VRK2: variants seen among roughly 807,000 people sequenced by gnomAD.
VRK2 encodes the protein VRK serine/threonine kinase 2.
A neutral mutation model predicts 57.6 loss-of-function variants in VRK2; 60 were observed. That is an observed-to-expected ratio of 1.04 (90% CI 0.85 to 1.29). VRK2 has a LOEUF of 1.29. Among genes scored for constraint, VRK2 ranks in the 50% most tolerant of loss-of-function variants. VRK2 has a pLI of 0.00. For synonymous variants in VRK2, 231 were observed against 199.2 expected (o/e 1.16, Z -1.35); for missense variants, 705 against 588.1 (o/e 1.20, Z -2.06).
intron 1 of VRK2, among the ~76,000 whole-genome samples, chr2:58,000,212 T>C (rs1278545913): frequency 6.6e-6 from 1 of 152,222 alleles, no homozygotes; most frequent in Non-Finnish European, 1.5e-5. Flanking sequence ...GTGTGATAAG[T>C]ACTCTTGGTT....
intron 1 of VRK2, among the ~76,000 whole-genome samples, chr2:57,934,524 C>T (rs887931613): frequency 6.6e-6 from 1 of 152,160 alleles, no homozygotes; most frequent in African/African-American, 2.4e-5. Flanking sequence ...TTTAGACTGT[C>T]TGATTTTATT....
rs531190443 is a variant in VRK2 at position 58,117,198 on chromosome 2, G to A, written c.544-5903G>A. 6.6e-5 allele frequency among the ~76,000 whole-genome samples: 10 copies of A among 152,300 alleles called. No individual in the cohort carries two copies. In the East Asian group the frequency reaches 1.9e-3, roughly 29 times the overall value. ...TCAGGGTTGCTGCCACACAAGCCAT[G>A]AACTGGGCTGGGTTTTTATATTTGA... On this transcript the variant is annotated intron_variant, in intron 7 of 12. Transcript: ENST00000340157.
chr2:57,943,915 C>T (rs1402335688), intron 1 of VRK2, among the ~76,000 whole-genome samples: 1 of 152,204 alleles, frequency 6.6e-6, no homozygotes, highest in East Asian at 1.9e-4. Context: ...CAATTCAATT[C>T]TGCCATTGTA....
chr2:58,071,928 C>T (rs1443383470), intron 2 of VRK2, among the ~76,000 whole-genome samples: 1 of 151,884 alleles, frequency 6.6e-6, no homozygotes, highest in Non-Finnish European at 1.5e-5. Flanking sequence ...ATGTATCTCT[C>T]CATATCATGA....
intron 1 of VRK2, among the ~76,000 whole-genome samples, chr2:58,015,145 C>T (rs1233309659): frequency 6.6e-6 from 1 of 152,088 alleles, no homozygotes; most frequent in Admixed American, 6.6e-5. Context: ...TATTTCTCTG[C>T]CAAATCAAGA....
At chr2:58,092,993 T>C (rs1672590912) in intron 7 of VRK2, among the ~76,000 whole-genome samples, 1 of 152,210 alleles carries the variant, frequency 6.6e-6, no homozygotes, top group Non-Finnish European at 1.5e-5. Flanking sequence ...GGACATGAAC[T>C]CATCCTTTTT....
At chr2:58,135,016 A>C (rs529198080) in intron 9 of VRK2, 125 bp from the exon 10 acceptor site, 11 of 689,816 alleles carry the variant, frequency 1.6e-5, no homozygotes, top group East Asian at 6.8e-5. Context: ...GTTGGGTGAC[A>C]AAAAAAAAAG....
chr2:58,123,801 G>A (rs1248897151), intron 8 of VRK2, among the ~76,000 whole-genome samples: 1 of 151,414 alleles, frequency 6.6e-6, no homozygotes, highest in Non-Finnish European at 1.5e-5. Context: ...GCTGCAGTGA[G>A]CCATAATCAC....
chr2:58,126,692 C>A (rs1425069662), intron 8 of VRK2, among the ~76,000 whole-genome samples: 1 of 151,910 alleles, frequency 6.6e-6, no homozygotes, highest in African/African-American at 2.4e-5. Context: ...GGCTAAAGTG[C>A]ATCATTTAGT....
At chr2:58,047,334 T>A in intron 1 of VRK2, 1 of 786,800 alleles carries the variant, frequency 1.3e-6, no homozygotes, top group Non-Finnish European at 1.5e-6. Flanking sequence ...GGTACCAGTT[T>A]GCTCGGAAAC....
intron 10 of VRK2, among the ~76,000 whole-genome samples, chr2:58,137,008 TTATA>T (rs751594903): frequency 1.6e-5 from 2 of 126,892 alleles, no homozygotes; most frequent in Non-Finnish European, 3.1e-5. Context: ...ATCATATATA[TTATA>T]TATATCTCAT....
At chr2:58,114,796 G>T (rs1676167378) in intron 7 of VRK2, among the ~76,000 whole-genome samples, 1 of 152,204 alleles carries the variant, frequency 6.6e-6, no homozygotes, top group South Asian at 2.1e-4. Context: ...GAGGAATTAT[G>T]TCTGACAGAA....
At chr2:58,152,972 AT>A (rs1683282561) in intron 12 of VRK2, among the ~76,000 whole-genome samples, 2 of 151,942 alleles carry the variant, frequency 1.3e-5, no homozygotes, top group African/African-American at 2.4e-5. Context: ...TTCCTTAGAT[AT>A]TTTATAACAT....
intron 2 of VRK2, among the ~76,000 whole-genome samples, chr2:58,071,817 A>T (rs1669398479): frequency 6.6e-6 from 1 of 152,006 alleles, no homozygotes. Flanking sequence ...GATATCCACA[A>T]CATAACTTGT....
intron 1 of VRK2, among the ~76,000 whole-genome samples, chr2:58,013,858 CAA>C (rs60604486): frequency 1.6e-5 from 1 of 62,790 alleles, no homozygotes; most frequent in African/African-American, 5.4e-5. Context: ...GACTCCGTCT[CAA>C]AAAAAAAAAA....
intron 1 of VRK2, among the ~76,000 whole-genome samples, chr2:57,969,287 T>C (rs1223214489): frequency 6.6e-6 from 1 of 152,074 alleles, no homozygotes; most frequent in African/African-American, 2.4e-5. Flanking sequence ...ACAATTTTCA[T>C]CTTCCATTTG....
At chr2:58,016,857 A>G (rs1673599347) in intron 1 of VRK2, among the ~76,000 whole-genome samples, 1 of 152,120 alleles carries the variant, frequency 6.6e-6, no homozygotes, top group Admixed American at 6.5e-5. Context: ...CCTCCTCACA[A>G]TAGTTTTCAT....
intron 1 of VRK2, among the ~76,000 whole-genome samples, chr2:57,935,014 C>G (rs1010677015): frequency 1.3e-5 from 2 of 151,924 alleles, no homozygotes; most frequent in South Asian, 2.1e-4. Flanking sequence ...CTTTTTGTAC[C>G]TTGCTTAGGT....
At chr2:57,953,932 T>G (rs189053262) in intron 1 of VRK2, among the ~76,000 whole-genome samples, 1 of 152,314 alleles carries the variant, frequency 6.6e-6, no homozygotes, top group East Asian at 1.9e-4. Flanking sequence ...TAATATTACT[T>G]AAGATAACAG....
Sources: allele counts gnomAD v4.1 joint callset (sites outside exome capture counted in the v4.1 genomes callset), GRCh38; gene constraint gnomAD v4.1.1; transcripts MANE v1.5; gene names NCBI Gene and HGNC (gene_info 2026-07-23, HGNC 2026-07-21).